LRPPRC: variants seen among roughly 807,000 people sequenced by gnomAD.
LRPPRC encodes leucine-rich PPR motif-containing protein, mitochondrial.
In LRPPRC, 120 loss-of-function variants were observed where a neutral mutation model predicts 180.3. The observed-to-expected ratio is 0.67, with a 90% CI of 0.57 to 0.77. The LOEUF is 0.77. Among genes scored for constraint, LRPPRC ranks in the 30% least tolerant of loss-of-function variants. The pLI is 0.00. For missense variants in LRPPRC, 2,012 were observed against 1,657.2 expected (o/e 1.21, Z -3.72); for synonymous variants, 723 against 600.0 (o/e 1.21, Z -3.00).
At chr2:43,952,116 C>A (rs1038952537) in intron 14 of LRPPRC, among the ~76,000 whole-genome samples, 1 of 152,078 alleles carries the variant, frequency 6.6e-6, no homozygotes, top group African/African-American at 2.4e-5. Flanking sequence ...TCGCTTGAAC[C>A]CGGGAGGCGG....
intron 8 of LRPPRC, 67 bp downstream of exon 8, chr2:43,974,547 T>C: frequency 1.7e-6 from 2 of 1,150,540 alleles, no homozygotes; most frequent in Admixed American, 4.0e-5. Flanking sequence ...AAATGTCCTT[T>C]CCATCATGTA....
chr2:43,899,021 TG>T (rs1346938466), intron 34 of LRPPRC, among the ~76,000 whole-genome samples, 197 bp downstream of exon 34: 2 of 152,198 alleles, frequency 1.3e-5, no homozygotes, highest in Non-Finnish European at 2.9e-5. Flanking sequence ...TAGTTTGATC[TG>T]GCATCTTTAA....
intron 14 of LRPPRC, 34 bp from the exon 15 acceptor site, chr2:43,950,634 C>T (rs755660242): frequency 1.2e-5 from 18 of 1,558,694 alleles, no homozygotes; most frequent in Non-Finnish European, 1.5e-5. Context: ...AAAATAAACC[C>T]AGGTTTATTT....
intron 25 of LRPPRC, among the ~76,000 whole-genome samples, chr2:43,930,239 G>C (rs1022445121): frequency 2.0e-5 from 3 of 152,120 alleles, no homozygotes; most frequent in African/African-American, 7.2e-5. Flanking sequence ...GATAGGGAGA[G>C]AGGGAAAAGT....
chr2:43,922,178 A>C (rs13007217), intron 27 of LRPPRC, among the ~76,000 whole-genome samples: 8,832 of 152,258 alleles, frequency 0.058, 288 homozygotes, highest in South Asian at 0.1. Context: ...ATTAGGACAA[A>C]ATTTTGTAAC....
chr2:43,941,919 T>C (rs1672496314), intron 23 of LRPPRC, among the ~76,000 whole-genome samples: 2 of 149,300 alleles, frequency 1.3e-5, no homozygotes, highest in African/African-American at 2.5e-5. Flanking sequence ...TATCTGAAAG[T>C]AGTAAAACAC....
At chr2:43,929,398 T>C (rs759509924) in intron 25 of LRPPRC, among the ~76,000 whole-genome samples, 6 of 152,192 alleles carry the variant, frequency 3.9e-5, no homozygotes, top group Non-Finnish European at 7.3e-5. Flanking sequence ...GTATAGTCTA[T>C]GTGTGTGTAA....
chr2:43,929,679 G>A (rs1672015414), intron 25 of LRPPRC, among the ~76,000 whole-genome samples: 1 of 152,090 alleles, frequency 6.6e-6, no homozygotes, highest in Non-Finnish European at 1.5e-5. Context: ...TATCCCCATA[G>A]CTAGCACAGA....
chr2:43,964,492 C>T (rs1362984521), intron 11 of LRPPRC, among the ~76,000 whole-genome samples: 1 of 152,096 alleles, frequency 6.6e-6, no homozygotes, highest in Non-Finnish European at 1.5e-5. Flanking sequence ...TCATTACTTT[C>T]ACATTATTAA....
At chr2:43,984,038 C>T (rs1343171598) in intron 1 of LRPPRC, among the ~76,000 whole-genome samples, 1 of 151,950 alleles carries the variant, frequency 6.6e-6, no homozygotes, top group African/African-American at 2.4e-5. Context: ...GTTTGTCAAA[C>T]GAGCTGAATT....
At chr2:43,929,534 T>C (rs1393811481) in intron 25 of LRPPRC, among the ~76,000 whole-genome samples, 1 of 152,212 alleles carries the variant, frequency 6.6e-6, no homozygotes, top group Non-Finnish European at 1.5e-5. Context: ...TTTTTCAGTA[T>C]TTCTAGGCTA....
intron 36 of LRPPRC, among the ~76,000 whole-genome samples, chr2:43,894,282 A>G (rs1670601929): frequency 1.3e-5 from 2 of 152,232 alleles, no homozygotes; most frequent in Admixed American, 6.5e-5. Flanking sequence ...ATTCTACTCA[A>G]TATACCCGGA....
Position 43,973,907 on chromosome 2 carries a change from GA to G in LRPPRC, c.1156-8del. 2.0e-6 allele frequency: 3 copies of G among 1,538,088 alleles called. No individual in the cohort carries two copies. Among genetic ancestry groups the G allele is most frequent in the Non-Finnish European group, 2.7e-6 (3 of 1,111,188 alleles). ...CTGTTAGCTTCTCCACAGGCTGTGG[GA>G]AAAAAGTCACCACATTAGCTGGATT... On this transcript the variant is annotated splice_polypyrimidine_tract_variant and splice_region_variant and intron_variant, in intron 9 of 37. Coordinates refer to ENST00000260665, the MANE Select transcript of LRPPRC (RefSeq NM_133259.4).
At chr2:43,917,894 A>C in intron 29 of LRPPRC, 131 bp downstream of exon 29, 1 of 659,750 alleles carries the variant, frequency 1.5e-6, no homozygotes, top group Non-Finnish European at 2.7e-6. Flanking sequence ...ATGGAAGGGG[A>C]CAAGAAATAT....
chr2:43,965,338 C>A (rs550183113), intron 11 of LRPPRC, among the ~76,000 whole-genome samples: 1 of 152,138 alleles, frequency 6.6e-6, no homozygotes, highest in Non-Finnish European at 1.5e-5. Flanking sequence ...GGATTACAGG[C>A]ATGAGCCACC....
chr2:43,974,166 C>T lies in LRPPRC; in HGVS notation c.1139G>A (p.Cys380Tyr). Reference sequence around the variant, plus strand: ...ACAGAATACCGTATTCATAGTCACACAGTGTTGTAAAAAGAAACTGCCAAA... The same window carrying T: ...ACAGAATACCGTATTCATAGTCACATAGTGTTGTAAAAAGAAACTGCCAAA... The part of the protein sequence containing the change: ...SVFGSFFLQH[C>Y]VTMNTPVEKL... Residue 380 changes from cysteine (C) to tyrosine (Y), a missense_variant, in exon 9 of 38, where the codon TGT becomes TAT. Coordinates refer to ENST00000260665, the MANE Select transcript of LRPPRC (RefSeq NM_133259.4). 1.2e-6 allele frequency: 2 copies of T among 1,613,832 alleles called. No individual in the cohort carries two copies. Among genetic ancestry groups the T allele is most frequent in the Non-Finnish European group, 8.5e-7 (1 of 1,179,730 alleles).
At chr2:43,953,657 G>C (rs7587561) in intron 14 of LRPPRC, among the ~76,000 whole-genome samples, 1 of 152,034 alleles carries the variant, frequency 6.6e-6, no homozygotes, top group Admixed American at 6.5e-5. Flanking sequence ...GGGAGACGCA[G>C]AGCACCTAGC....
chr2:43,896,427 G>A (rs1670689483), intron 35 of LRPPRC: 9 of 487,982 alleles, frequency 1.8e-5, no homozygotes, highest in Admixed American at 1.7e-4. Context: ...ACCTGTGTAA[G>A]TGGAAAATTC....
intron 1 of LRPPRC, among the ~76,000 whole-genome samples, chr2:43,987,106 C>T (rs1265100199): frequency 1.3e-5 from 2 of 152,148 alleles, no homozygotes; most frequent in African/African-American, 4.8e-5. Context: ...GAATAAATCC[C>T]ACTTGATCAC....
Sources: gnomAD v4.1 joint callset for allele counts (sites outside exome capture counted in the v4.1 genomes callset) on GRCh38, gnomAD v4.1.1 for gene constraint, MANE v1.5 for transcripts, NCBI Gene and HGNC (gene_info 2026-07-23, HGNC 2026-07-21) for gene names.